Variants in SPOCK3 observed in about 807,000 individuals in gnomAD.
SPOCK3 encodes testican-3.
In SPOCK3, 30 loss-of-function variants were observed where a neutral mutation model predicts 56.6. That is an observed-to-expected ratio of 0.53 (90% CI 0.40 to 0.72). The LOEUF (loss-of-function observed/expected upper bound fraction) is 0.72, where lower values mean the gene tolerates loss of function less well. SPOCK3 is among the 30% of genes least tolerant of loss of function. The probability of loss-of-function intolerance (pLI) is 0.00; values close to 1 mark genes in which losing one functional copy is unlikely to be tolerated. For missense variants in SPOCK3, 527 were observed against 530.0 expected, an observed-to-expected ratio of 0.99 and a Z score of 0.06; for synonymous variants, 196 against 183.3, an observed-to-expected ratio of 1.07 and a Z score of -0.56.
At chr4:166,942,400 G>T (rs1467695706) in intron 4 of SPOCK3, among the ~76,000 whole-genome samples, 1 of 150,732 alleles carries the variant, frequency 6.6e-6, no homozygotes, top group African/African-American at 2.4e-5. Context: ...TAGTAGAGAC[G>T]GGGTTTCATC....
At chr4:166,839,456 T>G (rs1233481717) in intron 6 of SPOCK3, among the ~76,000 whole-genome samples, 1 of 152,098 alleles carries the variant, frequency 6.6e-6, no homozygotes. Context: ...GTTTGGTAGT[T>G]AGATAGACAT....
intron 2 of SPOCK3, among the ~76,000 whole-genome samples, chr4:167,065,693 C>CA (rs542778470): frequency 6.4e-4 from 97 of 151,678 alleles, no homozygotes; most frequent in Non-Finnish European, 1.2e-3. Flanking sequence ...AACAAAAAAA[C>CA]AAAAAAATAG....
chr4:166,766,217 A>G (rs1738020822), intron 7 of SPOCK3, among the ~76,000 whole-genome samples: 1 of 152,156 alleles, frequency 6.6e-6, no homozygotes, highest in African/African-American at 2.4e-5. Flanking sequence ...TGAAATTCCA[A>G]CACTATGTTG....
intron 8 of SPOCK3, among the ~76,000 whole-genome samples, chr4:166,744,999 A>G (rs1735389521): frequency 6.6e-6 from 1 of 152,206 alleles, no homozygotes; most frequent in African/African-American, 2.4e-5. Context: ...GAAGAGACCA[A>G]ATCTACATTT....
At chr4:167,094,355 T>A (rs1758961405) in intron 2 of SPOCK3, among the ~76,000 whole-genome samples, 1 of 152,078 alleles carries the variant, frequency 6.6e-6, no homozygotes, top group Non-Finnish European at 1.5e-5. Flanking sequence ...AATAAACATA[T>A]GTGTAAAATC....
At chr4:166,882,558 A>G (rs906692777) in intron 6 of SPOCK3, among the ~76,000 whole-genome samples, 2 of 152,204 alleles carry the variant, frequency 1.3e-5, no homozygotes, top group Non-Finnish European at 2.9e-5. Context: ...AAAGGAGTTA[A>G]AGAAGGAATA....
intron 3 of SPOCK3, among the ~76,000 whole-genome samples, chr4:167,044,080 T>A (rs1276020537): frequency 6.6e-6 from 1 of 152,040 alleles, no homozygotes; most frequent in Non-Finnish European, 1.5e-5. Flanking sequence ...TTCATATTTT[T>A]TGTTTTGACA....
At chr4:166,800,204 A>AAAAAAAAAAAACAAAAAAAC (rs1742427202) in intron 6 of SPOCK3, among the ~76,000 whole-genome samples, 1 of 148,780 alleles carries the variant, frequency 6.7e-6, no homozygotes, top group African/African-American at 2.5e-5. Context: ...AAAAAAAAAA[A>AAAAAAAAAAAACAAAAAAAC]AATGAAAACA....
intron 6 of SPOCK3, among the ~76,000 whole-genome samples, chr4:166,793,915 G>C (rs1021230338): frequency 6.6e-6 from 1 of 152,058 alleles, no homozygotes; most frequent in Non-Finnish European, 1.5e-5. Context: ...AGTACAATAT[G>C]TGATACACCA....
chr4:167,196,285 T>A (rs766611836), intron 2 of SPOCK3, among the ~76,000 whole-genome samples: 3 of 152,198 alleles, frequency 2.0e-5, no homozygotes, highest in Non-Finnish European at 4.4e-5. Context: ...ATTTTCATTA[T>A]TTCATTAAAC....
chr4:166,754,939 C>A (rs181255595), intron 7 of SPOCK3, among the ~76,000 whole-genome samples: 164 of 151,852 alleles, frequency 1.1e-3, no homozygotes, highest in South Asian at 1.5e-3. Context: ...ATTAATTAAC[C>A]AGAAAGCATT....
At chr4:166,847,664 TATATATATATATATATAA>T (rs1443506945) in intron 6 of SPOCK3, among the ~76,000 whole-genome samples, 2 of 99,692 alleles carry the variant, frequency 2.0e-5, no homozygotes, top group South Asian at 3.2e-4. Flanking sequence ...TATATATATA[TATATATATATATATATAA>T]GAATCATGTT....
intron 2 of SPOCK3, among the ~76,000 whole-genome samples, chr4:167,133,212 C>T (rs539698299): frequency 1.2e-4 from 18 of 152,146 alleles, no homozygotes; most frequent in Admixed American, 7.9e-4. Flanking sequence ...TCAGGAGGAT[C>T]ATTTTAGGAG....
chr4:167,086,735 T>C (rs1758234190), intron 2 of SPOCK3, among the ~76,000 whole-genome samples: 1 of 152,104 alleles, frequency 6.6e-6, no homozygotes, highest in Non-Finnish European at 1.5e-5. Context: ...CTATATTATA[T>C]AAATATCTAC....
At chr4:167,217,218 T>C (rs1735448230) in intron 2 of SPOCK3, among the ~76,000 whole-genome samples, 1 of 152,150 alleles carries the variant, frequency 6.6e-6, no homozygotes, top group Admixed American at 6.6e-5. Flanking sequence ...TTTACAAGGT[T>C]ATTTCAGTTA....
At chr4:166,764,054 A>G (rs1443796774) in intron 7 of SPOCK3, among the ~76,000 whole-genome samples, 1 of 151,958 alleles carries the variant, frequency 6.6e-6, no homozygotes, top group African/African-American at 2.4e-5. Context: ...GGGGCCCTTG[A>G]TGGCTACCAG....
chr4:166,898,610 T>C (rs1735666984), intron 5 of SPOCK3, among the ~76,000 whole-genome samples: 1 of 152,178 alleles, frequency 6.6e-6, no homozygotes, highest in Non-Finnish European at 1.5e-5. Context: ...ATGCTATTCT[T>C]ACTTCCACAT....
intron 2 of SPOCK3, 88 bp from the exon 3 acceptor site, chr4:167,062,625 A>G (rs1333892217): frequency 9.8e-7 from 1 of 1,017,560 alleles, no homozygotes; most frequent in Non-Finnish European, 1.5e-6. Context: ...TATGAAACAC[A>G]GAAGCTGTAT....
chr4:166,957,411 GT>G (rs1743620893), intron 4 of SPOCK3, among the ~76,000 whole-genome samples: 2 of 152,164 alleles, frequency 1.3e-5, no homozygotes, highest in Admixed American at 1.3e-4. Flanking sequence ...CTTCCCTTTA[GT>G]AATAATACAT....
Sources: gnomAD v4.1 joint callset for allele counts (sites outside exome capture counted in the v4.1 genomes callset) on GRCh38, gnomAD v4.1.1 for gene constraint, MANE v1.5 for transcripts, NCBI Gene and HGNC (gene_info 2026-07-23, HGNC 2026-07-21) for gene names.